The following KDM4C variants were observed in gnomAD, a reference collection of about 807,000 sequenced individuals.
KDM4C encodes lysine demethylase 4C.
A neutral mutation model predicts 129.3 loss-of-function variants in KDM4C; 81 were observed. The ratio of observed to expected loss-of-function variants is 0.63; its 90% CI spans 0.52 to 0.75. KDM4C has a LOEUF of 0.75. Ranked by LOEUF, KDM4C falls within the 30% of genes least tolerant of loss-of-function variation. KDM4C has a pLI of 0.00. For synonymous variants in KDM4C, 573 were observed against 456.1 expected, an observed-to-expected ratio of 1.26 and a Z score of -3.26; for missense variants, 1,457 against 1,304.0, an observed-to-expected ratio of 1.12 and a Z score of -1.81.
intron 15 of KDM4C, among the ~76,000 whole-genome samples, chr9:7,040,404 T>TGC (rs1174806282): frequency 1.4e-5 from 2 of 145,698 alleles, no homozygotes; most frequent in African/African-American, 5.2e-5. Flanking sequence ...TGTGTGTGTG[T>TGC]GCGTGTGTAT....
chr9:6,724,399 T>A (rs1202190134), intron 1 of KDM4C, among the ~76,000 whole-genome samples: 1 of 152,200 alleles, frequency 6.6e-6, no homozygotes. Context: ...TGTTATATTC[T>A]GACATGTCCA....
At chr9:6,989,293 C>T (rs1818311129) in intron 11 of KDM4C, among the ~76,000 whole-genome samples, 1 of 152,114 alleles carries the variant, frequency 6.6e-6, no homozygotes, top group South Asian at 2.1e-4. Flanking sequence ...CTTCAGCTTA[C>T]CGGGAAGAAG....
At chr9:6,880,700 A>AT (rs1210929360) in intron 6 of KDM4C, among the ~76,000 whole-genome samples, 1 of 152,224 alleles carries the variant, frequency 6.6e-6, no homozygotes, top group Non-Finnish European at 1.5e-5. Context: ...TAGGGCCAGA[A>AT]TAAAGAACTT....
intron 19 of KDM4C, 109 bp downstream of exon 19, chr9:7,128,345 C>A: frequency 2.7e-6 from 2 of 730,348 alleles, no homozygotes; most frequent in Non-Finnish European, 4.2e-6. Context: ...AGCTCATTCA[C>A]TTGGTTCATA....
intron 8 of KDM4C, among the ~76,000 whole-genome samples, chr9:6,961,823 C>T (rs956375999): frequency 3.3e-5 from 5 of 152,164 alleles, no homozygotes; most frequent in African/African-American, 1.2e-4. Flanking sequence ...ATTGCATCTT[C>T]TCAATAGAAA....
At chr9:7,089,295 A>T (rs1267388688) in intron 17 of KDM4C, among the ~76,000 whole-genome samples, 1 of 152,140 alleles carries the variant, frequency 6.6e-6, no homozygotes, top group Non-Finnish European at 1.5e-5. Flanking sequence ...CCTCCATAGC[A>T]CATGTAAGGG....
intron 8 of KDM4C, among the ~76,000 whole-genome samples, chr9:6,961,295 T>A (rs946431916): frequency 6.6e-6 from 1 of 152,244 alleles, no homozygotes; most frequent in Non-Finnish European, 1.5e-5. Flanking sequence ...TGTCATCATG[T>A]TACTAGATGT....
chr9:6,809,314 G>T (rs1830722493), intron 3 of KDM4C, among the ~76,000 whole-genome samples: 1 of 152,154 alleles, frequency 6.6e-6, no homozygotes, highest in East Asian at 1.9e-4. Context: ...TTTTATAAGT[G>T]CAATGCTGTT....
chr9:7,073,577 C>T (rs555907427), intron 17 of KDM4C, among the ~76,000 whole-genome samples: 39 of 152,226 alleles, frequency 2.6e-4, no homozygotes, highest in African/African-American at 8.2e-4. Flanking sequence ...TCCAAGAAAA[C>T]GATTATCTCA....
chr9:6,907,013 G>A (rs145962369), intron 8 of KDM4C, among the ~76,000 whole-genome samples: 1 of 152,098 alleles, frequency 6.6e-6, no homozygotes, highest in Non-Finnish European at 1.5e-5. Context: ...TTTTAAACAA[G>A]GTCATTTATA....
At chr9:6,805,568 A>T in intron 2 of KDM4C, 31 bp from the exon 3 acceptor site, 1 of 1,516,136 alleles carries the variant, frequency 6.6e-7, no homozygotes, top group Non-Finnish European at 9.0e-7. Context: ...TATTTTCAAG[A>T]TGATATTTTA....
chr9:6,982,917 C>T (rs1257874196), intron 9 of KDM4C, among the ~76,000 whole-genome samples: 1 of 152,172 alleles, frequency 6.6e-6, no homozygotes, highest in Admixed American at 6.5e-5. Context: ...ATATGCTCAG[C>T]CTTGTGGCTT....
At chr9:7,041,990 G>T (rs1041070026) in intron 15 of KDM4C, among the ~76,000 whole-genome samples, 1 of 151,974 alleles carries the variant, frequency 6.6e-6, no homozygotes, top group African/African-American at 2.4e-5. Context: ...ATTCATCACA[G>T]ATCCATATTT....
intron 8 of KDM4C, among the ~76,000 whole-genome samples, chr9:6,935,226 A>T (rs1824545050): frequency 1.3e-5 from 2 of 152,132 alleles, no homozygotes; most frequent in South Asian, 2.1e-4. Flanking sequence ...ACTTACAAAA[A>T]TCTCAATAAT....
intron 12 of KDM4C, among the ~76,000 whole-genome samples, chr9:6,994,680 G>A (rs929013762): frequency 6.6e-6 from 1 of 152,126 alleles, no homozygotes; most frequent in African/African-American, 2.4e-5. Context: ...AAAAAGTTAA[G>A]TACCTCAACG....
intron 20 of KDM4C, among the ~76,000 whole-genome samples, chr9:7,167,679 T>G (rs927767857): frequency 4.6e-5 from 7 of 152,178 alleles, no homozygotes; most frequent in African/African-American, 1.7e-4. Context: ...TACGTTCAAT[T>G]GTATGTTTGA....
At chr9:7,000,757 GAT>G (rs931501204) in intron 12 of KDM4C, among the ~76,000 whole-genome samples, 16 of 152,156 alleles carry the variant, frequency 1.1e-4, no homozygotes, top group African/African-American at 3.9e-4. Flanking sequence ...TTTTCTTGGA[GAT>G]AGAATGTCTC....
chr9:7,077,184 C>G (rs1402942931), intron 17 of KDM4C: 1 of 985,240 alleles, frequency 1.0e-6, no homozygotes, highest in Admixed American at 6.2e-5. Context: ...TGTTATCACA[C>G]ATGCTGTGGG....
intron 8 of KDM4C, among the ~76,000 whole-genome samples, chr9:6,916,099 T>G (rs996270331): frequency 6.6e-6 from 1 of 151,948 alleles, no homozygotes; most frequent in Non-Finnish European, 1.5e-5. Flanking sequence ...AAGGAGAGAG[T>G]CAGCAACCTG....
Sources: gnomAD v4.1 joint callset for allele counts (sites outside exome capture counted in the v4.1 genomes callset) on GRCh38, gnomAD v4.1.1 for gene constraint, MANE v1.5 for transcripts, NCBI Gene and HGNC (gene_info 2026-07-23, HGNC 2026-07-21) for gene names.